Variants in TM6SF1 observed in about 807,000 individuals in gnomAD.
TM6SF1 encodes the protein transmembrane 6 superfamily member 1.
A neutral mutation model predicts 47.1 loss-of-function variants in TM6SF1; 43 were observed. That is an observed-to-expected ratio of 0.91 (90% CI 0.72 to 1.18). TM6SF1 has a LOEUF of 1.18. Ranked by LOEUF, TM6SF1 falls within the 50% of genes most tolerant of loss-of-function variation. The pLI, the probability that TM6SF1 is intolerant of heterozygous loss-of-function variation, is 0.00. For synonymous variants in TM6SF1, 177 were observed against 166.3 expected (o/e 1.06, Z -0.49); for missense variants, 390 against 449.0 (o/e 0.87, Z 1.19).
Position 83,119,579 on chromosome 15 carries a change from G to T in TM6SF1, c.296G>T (p.Gly99Val). 1 of 1,614,058 alleles carries T rather than the reference G, an allele frequency of 6.2e-7. No homozygotes were observed. Among genetic ancestry groups the T allele is most frequent in the Non-Finnish European group, 8.5e-7 (1 of 1,179,960 alleles). ...ACTTCTTTTTAATGCTTTCTTTAGG[G>T]TGAACCGTATCTGAACACCGCATAT... ...DGFMTHYLRE[G>V]EPYLNTAYGH... The change falls in exon 4 of 10, where the codon GGT (glycine) becomes GTT (valine). Residue 99 changes from glycine (G) to valine (V), a missense_variant and splice_region_variant. Physicochemically the swap from Gly to Val is moderately radical, Grantham distance 109 (BLOSUM62 -3). Coordinates refer to ENST00000322019, the MANE Select transcript of TM6SF1 (RefSeq NM_023003.5).
rs768324582 is a variant in TM6SF1, at chr15:83,124,665, ATT to A, written c.604-4_604-3del. The A allele has an allele frequency of 9.4e-5, 152 of 1,612,808 alleles. No individual in the cohort carries two copies. The highest frequency in any genetic ancestry group is 1.1e-4 in the Non-Finnish European group (133 of 1,179,102). On this transcript the variant is annotated splice_polypyrimidine_tract_variant and splice_region_variant and intron_variant, in intron 6 of 9. Transcript: ENST00000322019. ...GGCCTGCTCTTTAGGTACAAACTCT[ATT>A]TTAGGTTATTCAAGAAGCCCAAGCG... is the stretch of plus-strand genomic sequence containing the variant.
Position 83,122,885 on chromosome 15 carries a change from T to G in TM6SF1, c.603+7T>G, listed in dbSNP as rs759376517. The stretch of plus-strand genomic sequence containing the variant: ...TTATAATTACCCCTCAAAGGTGATT[T>G]TATTAAGCTTTGATGTACCCTGTTC... On this transcript the variant is annotated splice_region_variant and intron_variant, in intron 6 of 9. Transcript: ENST00000322019. The G allele has an allele frequency of 3.1e-6, 5 of 1,613,646 alleles. No homozygotes were observed. The highest frequency in any genetic ancestry group is 3.3e-5 in the Admixed American group (2 of 59,944).
chr15:83,112,878 AC>A lies in TM6SF1; in HGVS notation c.178del (p.Arg60GlyfsTer17), dbSNP rs1175262143. On this transcript the variant is annotated frameshift_variant, in exon 2 of 10. Coordinates refer to ENST00000322019, the MANE Select transcript of TM6SF1 (RefSeq NM_023003.5). LOFTEE classifies it high-confidence loss of function. ...CTCGTGTCCTCGTCAAAAGAAAACC[AC>A]CCCGGGACCCACTGTTCTATGGTAC... ...LARVLVKRKP[P>X]RDPLFYVYAV... 2 of 1,613,732 alleles carry A rather than the reference AC, an allele frequency of 1.2e-6. No individual in the cohort carries two copies.
chr15:83,107,795 G>C lies in TM6SF1; in HGVS notation c.92+23G>C. 6.4e-7 allele frequency: 1 copy of C among 1,567,020 alleles called. No homozygotes were observed. ...TGAGTGAGTGAGCCGGCGCGGCGGG[G>C]GTCGCGCCGAGGGGCGGCGGGAGTT... On this transcript the variant is annotated intron_variant, in intron 1 of 9. Coordinates refer to ENST00000322019, the MANE Select transcript of TM6SF1 (RefSeq NM_023003.5). This position sits in a 1 kb window ranked among gnomAD's most constrained non-coding sequence, Gnocchi z 5.6.
At chr15:83,133,904 A>G (rs943767827) in intron 9 of TM6SF1, 2 of 152,278 alleles carry the variant, frequency 1.3e-5, no homozygotes, top group Non-Finnish European at 2.9e-5. Flanking sequence ...TGTGGCCACC[A>G]TAAGTACATC....
chr15:83,126,853 G>T lies in TM6SF1; in HGVS notation c.801+6G>T. The stretch of plus-strand genomic sequence containing the variant: ...CTGCTTATCCTAAAATTCAGGTCAA[G>T]TAGTTATGAAGCCTAAGATTTTTCT... On this transcript the variant is annotated splice_donor_region_variant and intron_variant, in intron 8 of 9. Coordinates refer to ENST00000322019, the MANE Select transcript of TM6SF1 (RefSeq NM_023003.5). 1 of 1,603,472 alleles carries T rather than the reference G, an allele frequency of 6.2e-7. No homozygotes were observed. Among genetic ancestry groups the T allele is most frequent in the Non-Finnish European group, 8.5e-7 (1 of 1,173,448 alleles).
intron 9 of TM6SF1, chr15:83,127,774 G>A (rs746464492): frequency 3.2e-6 from 1 of 315,872 alleles, no homozygotes; most frequent in Non-Finnish European, 6.0e-6. Flanking sequence ...TGTTTTATTG[G>A]ACTGTTTCAC....
chr15:83,118,189 A>T (rs920165583), intron 3 of TM6SF1, among the ~76,000 whole-genome samples: 7 of 151,284 alleles, frequency 4.6e-5, no homozygotes, highest in African/African-American at 1.7e-4. Context: ...TCACCACTGC[A>T]CTCTAGACCG....
intron 2 of TM6SF1, 42 bp downstream of exon 2, chr15:83,112,942 A>G (rs374579963): frequency 1.4e-6 from 2 of 1,455,356 alleles, no homozygotes; most frequent in East Asian, 2.3e-5. Context: ...CTGATTAATA[A>G]CACAATACTT....
At chr15:83,123,392 T>C (rs1414556532) in intron 6 of TM6SF1, among the ~76,000 whole-genome samples, 1 of 152,172 alleles carries the variant, frequency 6.6e-6, no homozygotes, top group Non-Finnish European at 1.5e-5. Context: ...ACAGCCAAGG[T>C]AGTCAAGGTG....
chr15:83,116,082 G>A (rs888506643), intron 3 of TM6SF1, 140 bp downstream of exon 3: 11 of 661,346 alleles, frequency 1.7e-5, no homozygotes, highest in Non-Finnish European at 2.9e-5. Flanking sequence ...GCCTTAGGTC[G>A]CTTAGTCACA....
intron 9 of TM6SF1, chr15:83,131,175 CCATT>C (rs1208926740): frequency 3.3e-5 from 5 of 152,070 alleles, no homozygotes; most frequent in African/African-American, 1.2e-4. Context: ...GCTAAAATTG[CCATT>C]CTTATTTAGA....
At chr15:83,112,523 TC>T (rs1485150841) in intron 1 of TM6SF1, among the ~76,000 whole-genome samples, 2 of 151,840 alleles carry the variant, frequency 1.3e-5, no homozygotes, top group Admixed American at 6.6e-5. Context: ...CAGAGGGAGC[TC>T]CAGACGTGTC....
intron 2 of TM6SF1, chr15:83,114,347 C>T (rs1476815135): frequency 6.6e-6 from 1 of 152,300 alleles, no homozygotes. Flanking sequence ...AGGCAGAGAC[C>T]ATGTCCTTGT....
chr15:83,121,111 C>A (rs2035200304), intron 4 of TM6SF1, among the ~76,000 whole-genome samples: 1 of 151,626 alleles, frequency 6.6e-6, no homozygotes, highest in South Asian at 2.1e-4. Context: ...CGCTCTGTCA[C>A]CCAGGCTGGA....
In TM6SF1 at chr15:83,124,774, T is replaced by C; in HGVS notation, c.706T>C (p.Leu236=). 1 of 1,611,098 alleles carries C rather than the reference T, an allele frequency of 6.2e-7. No individual in the cohort carries two copies. The highest frequency in any genetic ancestry group is 8.5e-7 in the Non-Finnish European group (1 of 1,177,260). Residue 236 remains leucine (L), a splice_region_variant and synonymous_variant, in exon 7 of 10, where the codon TTG becomes CTG. Coordinates refer to ENST00000322019, the MANE Select transcript of TM6SF1 (RefSeq NM_023003.5). ...LATGFCLFRG[L]IALDCPSELC... ...AACTGGATTTTGCCTGTTCAGAGGT[T>C]TGGTAAGCATAACAGATCATAATAA... is the stretch of plus-strand genomic sequence containing the variant.
intron 6 of TM6SF1, among the ~76,000 whole-genome samples, chr15:83,123,897 A>C (rs2035493642): frequency 6.6e-6 from 1 of 152,262 alleles, no homozygotes; most frequent in South Asian, 2.1e-4. Context: ...TACAGTGCTG[A>C]CAGAAACATA....
intron 4 of TM6SF1, among the ~76,000 whole-genome samples, chr15:83,121,605 C>T (rs1465997567): frequency 6.6e-6 from 1 of 152,126 alleles, no homozygotes; most frequent in African/African-American, 2.4e-5. Context: ...TTTTTCCTTT[C>T]ATGCTGTTGA....
At chr15:83,118,866 T>C (rs1416095847) in intron 3 of TM6SF1, among the ~76,000 whole-genome samples, 1 of 152,124 alleles carries the variant, frequency 6.6e-6, no homozygotes, top group East Asian at 1.9e-4. Flanking sequence ...AAGGGAAATG[T>C]AGTTCGTCAT....
Sources: gnomAD v4.1 joint callset for allele counts (sites outside exome capture counted in the v4.1 genomes callset) on GRCh38, gnomAD v4.1.1 for gene constraint, Gnocchi (gnomAD v3.1) non-coding constraint, MANE v1.5 for transcripts, NCBI Gene and HGNC (gene_info 2026-07-23, HGNC 2026-07-21) for gene names.